Variants in FGF14 observed in about 807,000 individuals in gnomAD.
The protein encoded by FGF14 is fibroblast growth factor 14.
Under a neutral mutation model 25.5 loss-of-function variants are expected in FGF14, and 5 were observed. The observed-to-expected ratio is 0.20, with a 90% CI of 0.10 to 0.41. The LOEUF (loss-of-function observed/expected upper bound fraction) is 0.41. FGF14 is among the 10% of genes least tolerant of loss of function. The pLI, the probability that FGF14 is intolerant of heterozygous loss-of-function variation, is 1.00. For synonymous variants in FGF14, 138 were observed against 118.3 expected (o/e 1.17, Z -1.08); for missense variants, 222 against 320.1 (o/e 0.69, Z 2.34).
At chr13:101,754,066 G>C (rs1406115119) in intron 3 of FGF14, among the ~76,000 whole-genome samples, 1 of 152,088 alleles carries the variant, frequency 6.6e-6, no homozygotes, top group Non-Finnish European at 1.5e-5. Flanking sequence ...TTGCCTTTTC[G>C]TGCTAGCTAG....
chr13:102,354,484 T>A (rs1383072602), intron 1 of FGF14, among the ~76,000 whole-genome samples: 6 of 152,194 alleles, frequency 3.9e-5, no homozygotes. Flanking sequence ...CTGCAAGTTG[T>A]CTCACCTTTC....
At chr13:101,878,936 T>TA (rs1195280660) in intron 1 of FGF14, among the ~76,000 whole-genome samples, 1 of 86,802 alleles carries the variant, frequency 1.2e-5, no homozygotes, top group Non-Finnish European at 2.2e-5. Flanking sequence ...TAGTAAACGT[T>TA]AAATATAAGG....
At chr13:102,236,413 G>A (rs988572779) in intron 1 of FGF14, among the ~76,000 whole-genome samples, 5 of 152,156 alleles carry the variant, frequency 3.3e-5, no homozygotes, top group African/African-American at 1.2e-4. Context: ...ACTTTTGCTT[G>A]CAGTAAATAG....
At chr13:102,270,882 T>C (rs780543437) in intron 1 of FGF14, among the ~76,000 whole-genome samples, 22 of 152,324 alleles carry the variant, frequency 1.4e-4, no homozygotes, top group South Asian at 1.0e-3. Context: ...CTTTCAAAAT[T>C]TGTTGTCAGA....
chr13:102,129,931 A>T (rs2046120567), intron 1 of FGF14, among the ~76,000 whole-genome samples: 1 of 152,172 alleles, frequency 6.6e-6, no homozygotes, highest in Non-Finnish European at 1.5e-5. Flanking sequence ...GGCCAAAATC[A>T]GCAATAGAGT....
At chr13:102,157,193 T>A (rs1291205897) in intron 1 of FGF14, among the ~76,000 whole-genome samples, 1 of 152,186 alleles carries the variant, frequency 6.6e-6, no homozygotes, top group Non-Finnish European at 1.5e-5. Context: ...AGAGCCCACA[T>A]TTCCAAGTCA....
At chr13:102,319,892 T>C (rs1374450508) in intron 1 of FGF14, among the ~76,000 whole-genome samples, 2 of 152,206 alleles carry the variant, frequency 1.3e-5, no homozygotes, top group Non-Finnish European at 2.9e-5. Context: ...TATATTCATA[T>C]ATATGCACAT....
chr13:102,322,069 T>C (rs549823546), intron 1 of FGF14, among the ~76,000 whole-genome samples: 137 of 152,314 alleles, frequency 9.0e-4, no homozygotes, highest in African/African-American at 3.2e-3. Context: ...TGACAAGCCC[T>C]TTTCCTTCCA....
At chr13:102,124,337 T>A (rs571424382) in intron 1 of FGF14, among the ~76,000 whole-genome samples, 1 of 151,920 alleles carries the variant, frequency 6.6e-6, no homozygotes, top group African/African-American at 2.4e-5. Flanking sequence ...TATGGAGTTT[T>A]AAAAATAAGC....
intron 3 of FGF14, among the ~76,000 whole-genome samples, chr13:101,832,138 C>T (rs755105235): frequency 5.9e-5 from 9 of 152,008 alleles, no homozygotes; most frequent in East Asian, 3.9e-4. Context: ...ATCCGATATA[C>T]GCAGAAGAGA....
intron 1 of FGF14, among the ~76,000 whole-genome samples, chr13:101,889,898 A>G (rs145122138): frequency 2.0e-5 from 3 of 152,264 alleles, no homozygotes; most frequent in Non-Finnish European, 2.9e-5. Flanking sequence ...TCTTTATTCA[A>G]ATGATTTCCT....
intron 3 of FGF14, among the ~76,000 whole-genome samples, chr13:101,739,089 GTATA>G (rs113467291): frequency 7.8e-5 from 9 of 114,796 alleles, no homozygotes; most frequent in East Asian, 3.2e-4. Flanking sequence ...TACTTTAACA[GTATA>G]TATATATATA....
chr13:101,984,079 G>C (rs916288434), intron 1 of FGF14, among the ~76,000 whole-genome samples: 2 of 152,090 alleles, frequency 1.3e-5, no homozygotes, highest in Non-Finnish European at 2.9e-5. Context: ...ATATAACAGA[G>C]ATAATATCAC....
intron 1 of FGF14, among the ~76,000 whole-genome samples, chr13:102,013,855 T>C (rs1335395294): frequency 6.6e-6 from 1 of 152,150 alleles, no homozygotes; most frequent in Non-Finnish European, 1.5e-5. Flanking sequence ...GGTGGAGAGA[T>C]GACAGGACTT....
chr13:101,883,310 A>G (rs2045814033), intron 1 of FGF14, among the ~76,000 whole-genome samples: 1 of 152,224 alleles, frequency 6.6e-6, no homozygotes, highest in Non-Finnish European at 1.5e-5. Context: ...TCAATCTTAC[A>G]GACACATCTA....
At chr13:101,971,818 A>C (rs1379489640) in intron 1 of FGF14, among the ~76,000 whole-genome samples, 2 of 152,236 alleles carry the variant, frequency 1.3e-5, no homozygotes, top group East Asian at 3.9e-4. Flanking sequence ...GTTATTTTCC[A>C]CTATAAAGTT....
intron 1 of FGF14, among the ~76,000 whole-genome samples, chr13:101,948,036 C>T (rs1191291132): frequency 6.6e-6 from 1 of 152,054 alleles, no homozygotes; most frequent in Non-Finnish European, 1.5e-5. Context: ...GTGATGGTAT[C>T]CAAGCAGGCC....
At chr13:102,074,139 T>C (rs559678644) in intron 1 of FGF14, among the ~76,000 whole-genome samples, 13 of 152,114 alleles carry the variant, frequency 8.5e-5, no homozygotes, top group Admixed American at 2.0e-4. Context: ...AGCCTCCAAG[T>C]AGGTGGGACT....
At chr13:102,364,005 C>G (rs777530245) in intron 1 of FGF14, among the ~76,000 whole-genome samples, 1 of 152,194 alleles carries the variant, frequency 6.6e-6, no homozygotes, top group Non-Finnish European at 1.5e-5. Context: ...TTGTTTGCAC[C>G]TGAGATGGAG....
Sources: gnomAD v4.1 joint callset for allele counts (sites outside exome capture counted in the v4.1 genomes callset) on GRCh38, gnomAD v4.1.1 for gene constraint, MANE v1.5 for transcripts, NCBI Gene and HGNC (gene_info 2026-07-23, HGNC 2026-07-21) for gene names.